The following FREM3 variants were observed in gnomAD, a reference collection of about 807,000 sequenced individuals.
The protein encoded by FREM3 is FRAS1 related extracellular matrix 3, also known as FRAS1-related extracellular matrix protein 3.
Under a neutral mutation model 129.1 loss-of-function variants are expected in FREM3, and 105 were observed. The ratio of observed to expected loss-of-function variants is 0.81; its 90% CI spans 0.69 to 0.96. The LOEUF is 0.96. FREM3 is among the 40% of genes least tolerant of loss of function. The pLI is 0.00. For missense variants in FREM3, 2,593 were observed against 2,666.3 expected (o/e 0.97, Z 0.61); for synonymous variants, 1,014 against 1,044.9 (o/e 0.97, Z 0.57).
At chr4:143,615,257 G>T (rs1738823816) in intron 5 of FREM3, among the ~76,000 whole-genome samples, 1 of 152,190 alleles carries the variant, frequency 6.6e-6, no homozygotes, top group South Asian at 2.1e-4. Context: ...CTGATAGTCA[G>T]CCTGGGGCAC....
At chr4:143,600,860 G>T (rs192697397) in intron 6 of FREM3, among the ~76,000 whole-genome samples, 14 of 152,184 alleles carry the variant, frequency 9.2e-5, no homozygotes, top group Admixed American at 7.9e-4. Context: ...CAACATCTCT[G>T]CCTGAGAACT....
Position 143,697,665 on chromosome 4 carries a change from G to T in FREM3, c.3011C>A (p.Thr1004Lys), listed in dbSNP as rs932842961. ...LGTILVNGLP[T>K]ERFTQEDLIN... ...GAGATCCTCTTGGGTGAATCGTTCT[G>T]TGGGCAAACCATTTACCAGAATAGT... is the stretch of plus-strand genomic sequence containing the variant. The change falls in exon 1 of 8, where the codon ACA becomes AAA. Residue 1004 changes from threonine to lysine, a missense_variant. Thr to Lys is a moderately conservative substitution (Grantham distance 78). Around this residue, in one of 2 missense-constraint regions of FREM3, gnomAD observed 2,276 missense variants for 2,267.2 expected, o/e 1.00. Coordinates refer to ENST00000329798, the MANE Select transcript of FREM3 (RefSeq NM_001168235.2). The T allele has an allele frequency of 3.1e-5, 47 of 1,537,764 alleles. No individual in the cohort carries two copies. The highest frequency in any genetic ancestry group is 3.9e-5 in the Non-Finnish European group (45 of 1,147,068).
chr4:143,591,122 T>A (rs1738352421), intron 6 of FREM3, among the ~76,000 whole-genome samples: 1 of 152,224 alleles, frequency 6.6e-6, no homozygotes, highest in South Asian at 2.1e-4. Context: ...ATTTGATTCT[T>A]CTCTCTTTTC....
intron 3 of FREM3, 84 bp downstream of exon 3, chr4:143,627,530 C>T: frequency 8.9e-7 from 1 of 1,125,668 alleles, no homozygotes; most frequent in Non-Finnish European, 1.3e-6. Flanking sequence ...TATTCTCTTT[C>T]AGTATACTTT....
intron 2 of FREM3, among the ~76,000 whole-genome samples, chr4:143,654,990 A>G (rs902926579): frequency 1.7e-4 from 26 of 152,310 alleles, no homozygotes; most frequent in Middle Eastern, 3.4e-3. Flanking sequence ...TGGCAGGAAC[A>G]GTTGAAGTGC....
rs1162589984 is a variant in FREM3 at position 143,652,249 on chromosome 4, G to T, written c.5276-24489C>A. ...GCAATCTCGGCTCACTGCAAGCTCC[G>T]CTTCCCGGGTTCACGCCATTCTCCT... On this transcript the variant is annotated intron_variant, in intron 2 of 7. Transcript: ENST00000329798. Among the ~76,000 whole-genome samples, 5 of 44,068 alleles carry T rather than the reference G, an allele frequency of 1.1e-4. 2 individuals carry two copies. The highest frequency in any genetic ancestry group is 2.8e-4 in the Non-Finnish European group (5 of 18,126). 28.9% of individuals were successfully genotyped at this position (44,068 alleles called of 152,430 possible). A position where few individuals can be genotyped will look rare whatever the true frequency, so the allele number is the denominator to read the frequency against.
chr4:143,645,811 T>C (rs1440918665), intron 2 of FREM3, among the ~76,000 whole-genome samples: 2 of 152,254 alleles, frequency 1.3e-5, no homozygotes, highest in Non-Finnish European at 2.9e-5. Context: ...CCAACTAGTA[T>C]AGCTACTATG....
intron 2 of FREM3, among the ~76,000 whole-genome samples, chr4:143,685,477 C>T (rs1388529986): frequency 3.3e-5 from 5 of 152,160 alleles, no homozygotes; most frequent in Admixed American, 1.3e-4. Context: ...CAAGCCACCA[C>T]TACAGGAACT....
intron 2 of FREM3, among the ~76,000 whole-genome samples, chr4:143,664,797 C>T (rs965100290): frequency 2.0e-5 from 3 of 152,166 alleles, no homozygotes; most frequent in Middle Eastern, 3.4e-3. Flanking sequence ...CAATGGCGGG[C>T]GCCCCTCCCC....
intron 2 of FREM3, among the ~76,000 whole-genome samples, chr4:143,649,073 C>G (rs1484509549): frequency 6.6e-6 from 1 of 152,156 alleles, no homozygotes; most frequent in African/African-American, 2.4e-5. Context: ...CAGCTTTTTT[C>G]TTTAACTGAA....
At chr4:143,610,822 G>A (rs763019475) in intron 6 of FREM3, among the ~76,000 whole-genome samples, 6 of 152,090 alleles carry the variant, frequency 3.9e-5, no homozygotes, top group Non-Finnish European at 5.9e-5. Context: ...GGAGGCAAAC[G>A]CCCTGCTAGG....
At chr4:143,625,568 C>T (rs142525626) in intron 3 of FREM3, among the ~76,000 whole-genome samples, 1,636 of 152,268 alleles carry the variant, frequency 0.011, 10 homozygotes, top group Non-Finnish European at 0.017. Flanking sequence ...GGAAGAGCCT[C>T]CTTTGGCCAC....
chr4:143,658,414 G>T (rs1446275616), intron 2 of FREM3, among the ~76,000 whole-genome samples: 1 of 152,158 alleles, frequency 6.6e-6, no homozygotes, highest in South Asian at 2.1e-4. Flanking sequence ...GTGCCAACTG[G>T]GAAGTCTGGA....
At chr4:143,620,030 C>T (rs1738918406) in intron 5 of FREM3, among the ~76,000 whole-genome samples, 1 of 152,108 alleles carries the variant, frequency 6.6e-6, no homozygotes, top group Non-Finnish European at 1.5e-5. Flanking sequence ...GAACTCTGAC[C>T]CACAATCTGC....
Position 143,697,264 on chromosome 4 carries a change from C to A in FREM3, c.3412G>T (p.Ala1138Ser), listed in dbSNP as rs755298454. ...KMSQSGSPIS[A>S]FSLRDIQVRH... Reference sequence around the variant, plus strand: ...ACTTGGATATCTCTGAGGGAGAAAGCACTGATAGGGCTACCAGACTGGGAC... The same window carrying A: ...ACTTGGATATCTCTGAGGGAGAAAGAACTGATAGGGCTACCAGACTGGGAC... The change falls in exon 1 of 8, where the codon GCT becomes TCT. Residue 1138 changes from alanine to serine, a missense_variant. Physicochemically the swap from Ala to Ser is moderately conservative, Grantham distance 99 (BLOSUM62 1). This residue lies in a region of FREM3 where 2,276 missense variants were observed against 2,267.2 expected (regional missense o/e 1.00). Coordinates refer to ENST00000329798, the MANE Select transcript of FREM3 (RefSeq NM_001168235.2). The A allele has an allele frequency of 5.9e-6, 9 of 1,537,472 alleles. No individual in the cohort carries two copies. Among genetic ancestry groups the A allele is most frequent in the Non-Finnish European group, 7.8e-6 (9 of 1,146,940 alleles).
chr4:143,606,851 T>C (rs1738676431), intron 6 of FREM3, among the ~76,000 whole-genome samples: 1 of 152,178 alleles, frequency 6.6e-6, no homozygotes, highest in Admixed American at 6.6e-5. Context: ...ACTTAGGTAA[T>C]ACTATATTGC....
At position 143,700,643 on chromosome 4, in the gene FREM3, C is replaced by A; in HGVS notation, c.33G>T (p.Thr11=). ...CGAGCGCCACAAGGAGCTGCCGGGG[C>A]GTCCCAGTCGGGTGCCGAGAAGCCC... is the stretch of plus-strand genomic sequence containing the variant. The part of the protein sequence containing the change: MAGASRHPTG[T]PRQLLVALAC... The change falls in exon 1 of 8, where the codon ACG becomes ACT. Residue 11 remains threonine (T), a synonymous_variant. Coordinates refer to ENST00000329798, the MANE Select transcript of FREM3 (RefSeq NM_001168235.2). The A allele has an allele frequency of 7.0e-7, 1 of 1,433,296 alleles. No homozygotes were observed. The highest frequency in any genetic ancestry group is 9.1e-7 in the Non-Finnish European group (1 of 1,098,548). 88.8% of individuals were successfully genotyped at this position (1,433,296 alleles called of 1,614,324 possible).
intron 2 of FREM3, among the ~76,000 whole-genome samples, chr4:143,633,942 AG>A (rs778570291): frequency 1.4e-4 from 21 of 152,162 alleles, no homozygotes; most frequent in Non-Finnish European, 2.9e-4. Flanking sequence ...GATGGGTTAA[AG>A]AAAAATGAAG....
intron 7 of FREM3, among the ~76,000 whole-genome samples, chr4:143,578,480 G>C (rs1252971857): frequency 6.6e-6 from 1 of 151,784 alleles, no homozygotes; most frequent in Non-Finnish European, 1.5e-5. Flanking sequence ...AATAAATCGA[G>C]GAACAGAATA....
Sources: allele counts gnomAD v4.1 joint callset (sites outside exome capture counted in the v4.1 genomes callset), GRCh38; gene constraint gnomAD v4.1.1; regional missense constraint gnomAD v4.1.1; transcripts MANE v1.5; gene names NCBI Gene and HGNC (gene_info 2026-07-23, HGNC 2026-07-21).